The following SPARCL1 variants were observed in gnomAD, a reference collection of about 807,000 sequenced individuals.
SPARCL1 encodes the protein SPARC-like protein 1.
A neutral mutation model predicts 67.1 loss-of-function variants in SPARCL1; 52 were observed. The ratio of observed to expected loss-of-function variants is 0.78; its 90% CI spans 0.62 to 0.98. The LOEUF (loss-of-function observed/expected upper bound fraction) is 0.98. SPARCL1 is among the 50% of genes least tolerant of loss of function. The pLI is 0.00. For missense variants in SPARCL1, 717 were observed against 782.4 expected (o/e 0.92, Z 1.00); for synonymous variants, 226 against 267.8 (o/e 0.84, Z 1.52).
At chr4:87,510,217 G>T (rs1040127032) in intron 1 of SPARCL1, among the ~76,000 whole-genome samples, 1 of 151,712 alleles carries the variant, frequency 6.6e-6, no homozygotes, top group African/African-American at 2.4e-5. Flanking sequence ...TATGTGTTCC[G>T]CATGTCTCTT....
intron 6 of SPARCL1, 50 bp downstream of exon 6, chr4:87,490,710 A>G: frequency 8.3e-7 from 1 of 1,211,826 alleles, no homozygotes; most frequent in East Asian, 2.4e-5. Context: ...TTTTTATTTC[A>G]GTCACTAACC....
At position 87,480,468 on chromosome 4, in the gene SPARCL1, A is replaced by G. The variant is rs200337847; in HGVS notation, c.1721T>C (p.Ile574Thr). The change falls in exon 9 of 11, where the codon ATT becomes ACT. Residue 574 changes from isoleucine to threonine, a missense_variant. Ile to Thr is a moderately conservative substitution (Grantham distance 89). Transcript: ENST00000282470. ...EKRLLAGDHP[I>T]DLLLRDFKKN... ...CTTAAAGTCCCTTAAGAGAAGATCA[A>G]TGGGATGGTCCCCAGCCAAAAGCCT... 2.7e-5 allele frequency: 43 copies of G among 1,612,946 alleles called. No homozygotes were observed. The highest frequency in any genetic ancestry group is 1.5e-4 in the Admixed American group (9 of 59,938).
chr4:87,476,666 T>G (rs1723597709), intron 10 of SPARCL1, among the ~76,000 whole-genome samples: 1 of 152,210 alleles, frequency 6.6e-6, no homozygotes, highest in Non-Finnish European at 1.5e-5. Context: ...ATGCATGGTA[T>G]GCATGGGCAC....
chr4:87,509,718 C>G lies in SPARCL1; in HGVS notation c.-11-10133G>C, dbSNP rs926405043. Among the ~76,000 whole-genome samples the G allele has an allele frequency of 3.3e-5, 5 of 152,312 alleles. No individual in the cohort carries two copies. In the South Asian group the frequency reaches 1.0e-3, roughly 32 times the overall value. ...ATTGTAAAAGTCATAGTGCATTAAA[C>G]AAGGAATTAAAAATTCCAGCCATAG... On this transcript the variant is annotated intron_variant, in intron 1 of 10. Coordinates refer to ENST00000282470, the MANE Select transcript of SPARCL1 (RefSeq NM_004684.6).
At chr4:87,491,948 C>G (rs879301953) in intron 4 of SPARCL1, among the ~76,000 whole-genome samples, 12 of 109,636 alleles carry the variant, frequency 1.1e-4, no homozygotes, top group East Asian at 5.7e-4. Context: ...CTACCCACCC[C>G]CCCCCCCAAA....
At chr4:87,503,273 C>T (rs1724922084) in intron 1 of SPARCL1, among the ~76,000 whole-genome samples, 1 of 152,212 alleles carries the variant, frequency 6.6e-6, no homozygotes, top group Non-Finnish European at 1.5e-5. Context: ...CACCTGGTGC[C>T]TCCAATTCTG....
Position 87,482,408 on chromosome 4 carries a change from C to A in SPARCL1, c.1668+16G>T. 1 of 1,611,554 alleles carries A rather than the reference C, an allele frequency of 6.2e-7. No individual in the cohort carries two copies. Among genetic ancestry groups the A allele is most frequent in the Non-Finnish European group, 8.5e-7 (1 of 1,179,612 alleles). Reference sequence around the variant, plus strand: ...TGTAGACAGACATTGAAGAAGCTAACCTGTGGATAACTTACTTTATTTCTC... The same window carrying A: ...TGTAGACAGACATTGAAGAAGCTAAACTGTGGATAACTTACTTTATTTCTC... On this transcript the variant is annotated intron_variant, in intron 8 of 10. Transcript: ENST00000282470.
chr4:87,522,814 T>G (rs1177753262), intron 1 of SPARCL1, among the ~76,000 whole-genome samples: 1 of 152,130 alleles, frequency 6.6e-6, no homozygotes, highest in Non-Finnish European at 1.5e-5. Flanking sequence ...CTTATTTCAG[T>G]GTATCATTAT....
intron 1 of SPARCL1, among the ~76,000 whole-genome samples, chr4:87,519,277 G>A (rs1286940437): frequency 6.6e-6 from 1 of 152,014 alleles, no homozygotes; most frequent in East Asian, 1.9e-4. Context: ...TCACCATGTT[G>A]GTCAGGCTGG....
At position 87,499,603 on chromosome 4, in the gene SPARCL1, A is replaced by G; in HGVS notation, c.-11-18T>C. On this transcript the variant is annotated intron_variant, in intron 1 of 10. Coordinates refer to ENST00000282470, the MANE Select transcript of SPARCL1 (RefSeq NM_004684.6). ...TTCCAGATCTGTGAACCAAGAAGAT[A>G]ATTATCAGTGGCAGGGAAAAGTTTC... 6.4e-7 allele frequency: 1 copy of G among 1,570,402 alleles called. No homozygotes were observed. The highest frequency in any genetic ancestry group is 8.6e-7 in the Non-Finnish European group (1 of 1,160,518).
chr4:87,477,895 T>C (rs1723643977), intron 10 of SPARCL1, among the ~76,000 whole-genome samples: 1 of 152,190 alleles, frequency 6.6e-6, no homozygotes, highest in African/African-American at 2.4e-5. Flanking sequence ...ACTAGGTACT[T>C]ACAAAAATAT....
At chr4:87,513,475 T>C (rs1220013116) in intron 1 of SPARCL1, among the ~76,000 whole-genome samples, 1 of 152,228 alleles carries the variant, frequency 6.6e-6, no homozygotes, top group East Asian at 1.9e-4. Flanking sequence ...CAAATTACTT[T>C]CTCTCTCCAA....
intron 10 of SPARCL1, among the ~76,000 whole-genome samples, chr4:87,474,781 C>G (rs1370271967): frequency 7.4e-6 from 1 of 135,846 alleles, no homozygotes; most frequent in African/African-American, 2.8e-5. Flanking sequence ...CTCGCTCTTT[C>G]ACCCAGGCCA....
At chr4:87,512,688 G>A (rs904232558) in intron 1 of SPARCL1, among the ~76,000 whole-genome samples, 1 of 152,188 alleles carries the variant, frequency 6.6e-6, no homozygotes, top group Non-Finnish European at 1.5e-5. Context: ...GAATCATGCA[G>A]TGGAGCCCAA....
intron 10 of SPARCL1, 30 bp from the exon 11 acceptor site, chr4:87,473,833 T>G (rs1723449804): frequency 6.5e-7 from 1 of 1,534,146 alleles, no homozygotes; most frequent in Non-Finnish European, 9.0e-7. Flanking sequence ...AAAATGACAC[T>G]TTTAGAAAGT....
At chr4:87,514,920 G>A (rs1258957357) in intron 1 of SPARCL1, among the ~76,000 whole-genome samples, 1 of 152,196 alleles carries the variant, frequency 6.6e-6, no homozygotes, top group Non-Finnish European at 1.5e-5. Flanking sequence ...TGCTAAGTAT[G>A]ATGAATACCA....
chr4:87,527,732 A>G lies in SPARCL1; in HGVS notation c.-12+1313T>C, dbSNP rs530482249. ...CAAGGTTCATAAATAACATGTGAAT[A>G]TTCTTCTCCAAAATGTGGAAAGTGG... On this transcript the variant is annotated intron_variant, in intron 1 of 10. Transcript: ENST00000282470. 3.3e-5 allele frequency among the ~76,000 whole-genome samples: 5 copies of G among 152,326 alleles called. No individual in the cohort carries two copies. The East Asian group carries it at 9.6e-4, about 29-fold the overall frequency.
intron 1 of SPARCL1, among the ~76,000 whole-genome samples, chr4:87,521,097 T>G (rs933576616): frequency 2.0e-5 from 3 of 152,234 alleles, no homozygotes; most frequent in African/African-American, 7.2e-5. Context: ...TCTATGATAT[T>G]TCCTAGAAAC....
intron 4 of SPARCL1, among the ~76,000 whole-genome samples, 191 bp from the exon 5 acceptor site, chr4:87,491,881 G>C (rs552484104): frequency 3.8e-4 from 58 of 151,542 alleles, no homozygotes; most frequent in African/African-American, 1.4e-3. Context: ...AAGGTGGGAG[G>C]ATCACTTGAG....
Sources: allele counts gnomAD v4.1 joint callset (sites outside exome capture counted in the v4.1 genomes callset), GRCh38; gene constraint gnomAD v4.1.1; transcripts MANE v1.5; gene names NCBI Gene and HGNC (gene_info 2026-07-23, HGNC 2026-07-21).